TSGA10: variants seen among roughly 807,000 people sequenced by gnomAD.
The protein encoded by TSGA10 is testis specific 10.
A neutral mutation model predicts 96.6 loss-of-function variants in TSGA10; 43 were observed. The observed-to-expected ratio is 0.44, with a 90% confidence interval of 0.35 to 0.57. The LOEUF is 0.57. TSGA10 is among the 20% of genes least tolerant of loss of function. TSGA10 has a pLI of 0.01. For synonymous variants in TSGA10, 229 were observed against 269.9 expected (o/e 0.85, Z 1.48); for missense variants, 703 against 834.4 (o/e 0.84, Z 1.94).
At chr2:99,004,007 G>T (rs1041860229) in intron 20 of TSGA10, among the ~76,000 whole-genome samples, 3 of 152,106 alleles carry the variant, frequency 2.0e-5, no homozygotes, top group Non-Finnish European at 4.4e-5. Flanking sequence ...ATGAATCCAG[G>T]AGCTGGTTTT....
chr2:99,080,879 TC>T (rs1049119650), intron 11 of TSGA10, among the ~76,000 whole-genome samples: 4 of 152,082 alleles, frequency 2.6e-5, no homozygotes, highest in African/African-American at 9.7e-5. Flanking sequence ...ACTAACACTA[TC>T]CCCTTGGTGA....
At chr2:99,068,177 C>G (rs542913630) in intron 15 of TSGA10, among the ~76,000 whole-genome samples, 3 of 152,222 alleles carry the variant, frequency 2.0e-5, no homozygotes, top group Non-Finnish European at 2.9e-5. Context: ...CTTAACAGTA[C>G]TATGCATACC....
chr2:99,038,561 G>A (rs955398254), intron 16 of TSGA10, among the ~76,000 whole-genome samples: 5 of 152,018 alleles, frequency 3.3e-5, no homozygotes, highest in South Asian at 2.1e-4. Flanking sequence ...AAGACAAAGA[G>A]GGACATTATA....
At chr2:99,013,385 T>C (rs2079173804) in intron 20 of TSGA10, among the ~76,000 whole-genome samples, 1 of 152,144 alleles carries the variant, frequency 6.6e-6, no homozygotes, top group African/African-American at 2.4e-5. Flanking sequence ...CAGGCTGGAA[T>C]GCTGTGGCGC....
At chr2:99,045,632 A>C (rs371926034) in intron 16 of TSGA10, among the ~76,000 whole-genome samples, 13 of 152,302 alleles carry the variant, frequency 8.5e-5, no homozygotes, top group South Asian at 2.1e-4. Flanking sequence ...CAAAAACATG[A>C]CAAATTGTAA....
chr2:99,095,835 T>C (rs1400271186), intron 10 of TSGA10, among the ~76,000 whole-genome samples: 2 of 152,154 alleles, frequency 1.3e-5, no homozygotes, highest in South Asian at 4.1e-4. Flanking sequence ...GAGACGGAGT[T>C]TCACCATTTT....
At position 99,027,114 on chromosome 2, in the gene TSGA10, G is replaced by A. The variant is rs141970833; in HGVS notation, c.1615-6632C>T. ...AGGCAGTAATGCTCACTCACCCACC[G>A]CTCACCTCCTGCTGTGCGGCTAGGA... On this transcript the variant is annotated intron_variant, in intron 17 of 20. Coordinates refer to ENST00000393483, the MANE Select transcript of TSGA10 (RefSeq NM_025244.4). Among the ~76,000 whole-genome samples the A allele has an allele frequency of 4.8e-3, 728 of 152,308 alleles. 9 individuals are homozygous for A. Among genetic ancestry groups the A allele is most frequent in the African/African-American group, 0.017 (691 of 41,568 alleles).
At chr2:99,013,613 G>A (rs2079209881) in intron 20 of TSGA10, among the ~76,000 whole-genome samples, 2 of 151,792 alleles carry the variant, frequency 1.3e-5, no homozygotes, top group African/African-American at 2.4e-5. Flanking sequence ...TTACAGGCGT[G>A]AGCCACCGCA....
intron 1 of TSGA10, among the ~76,000 whole-genome samples, chr2:99,143,419 A>G (rs1436834207): frequency 6.6e-6 from 1 of 150,696 alleles, no homozygotes; most frequent in East Asian, 1.9e-4. Context: ...TCAGCCTCCC[A>G]AAGTGCTGGG....
At chr2:99,138,540 C>CA (rs1312023440) in intron 1 of TSGA10, among the ~76,000 whole-genome samples, 1 of 151,916 alleles carries the variant, frequency 6.6e-6, no homozygotes, top group Non-Finnish European at 1.5e-5. Flanking sequence ...TGGGTGAAAA[C>CA]AAGTCTGAAG....
chr2:99,067,378 A>G (rs924177731), intron 15 of TSGA10, among the ~76,000 whole-genome samples: 7 of 152,212 alleles, frequency 4.6e-5, no homozygotes, highest in Non-Finnish European at 1.0e-4. Context: ...AATCCCCAGC[A>G]CTTCGGAAGG....
At chr2:98,999,873 C>A (rs948263278) in intron 20 of TSGA10, among the ~76,000 whole-genome samples, 1 of 152,160 alleles carries the variant, frequency 6.6e-6, no homozygotes, top group Non-Finnish European at 1.5e-5. Flanking sequence ...CTCAGCCTAC[C>A]AAGTAGCTAG....
chr2:99,109,504 G>T lies in TSGA10; in HGVS notation c.-65C>A. The T allele has an allele frequency of 6.3e-7, 1 of 1,592,110 alleles. No homozygotes were observed. The highest frequency in any genetic ancestry group is 1.1e-5 in the South Asian group (1 of 87,100). On this transcript the variant is annotated 5_prime_UTR_variant, in exon 6 of 21. Coordinates refer to ENST00000393483, the MANE Select transcript of TSGA10 (RefSeq NM_025244.4). Reference sequence around the variant, plus strand: ...GTCTGCTTCCAAAGTCTTGACAAAGGAATCAAGTCTAGAAGGAGATTTATT... The same window carrying T: ...GTCTGCTTCCAAAGTCTTGACAAAGTAATCAAGTCTAGAAGGAGATTTATT...
intron 1 of TSGA10, among the ~76,000 whole-genome samples, chr2:99,143,406 G>A (rs879541787): frequency 2.0e-4 from 30 of 150,812 alleles, no homozygotes; most frequent in Non-Finnish European, 3.0e-4. Flanking sequence ...TGATCCACCC[G>A]CCTCAGCCTC....
At chr2:99,133,451 C>T (rs1469407913) in intron 1 of TSGA10, among the ~76,000 whole-genome samples, 1 of 152,140 alleles carries the variant, frequency 6.6e-6, no homozygotes, top group East Asian at 1.9e-4. Flanking sequence ...AATACTCCTC[C>T]ATCCCTTTAT....
At chr2:99,095,798 G>A (rs1418607786) in intron 10 of TSGA10, among the ~76,000 whole-genome samples, 1 of 152,102 alleles carries the variant, frequency 6.6e-6, no homozygotes, top group Admixed American at 6.6e-5. Flanking sequence ...ACGCCACCAC[G>A]CCCAGCTAAT....
At chr2:99,023,132 T>C (rs1316971347) in intron 17 of TSGA10, among the ~76,000 whole-genome samples, 10 of 152,144 alleles carry the variant, frequency 6.6e-5, no homozygotes, top group African/African-American at 2.2e-4. Flanking sequence ...CTCAAGTCTC[T>C]GGGAATACAA....
intron 4 of TSGA10, among the ~76,000 whole-genome samples, chr2:99,112,293 C>CA (rs1162391327): frequency 1.3e-5 from 2 of 152,008 alleles, no homozygotes; most frequent in Non-Finnish European, 2.9e-5. Flanking sequence ...AGATAATAGT[C>CA]AAAATATGTT....
intron 20 of TSGA10, among the ~76,000 whole-genome samples, 183 bp downstream of exon 20, chr2:99,018,017 G>A (rs1455649859): frequency 2.0e-5 from 3 of 151,780 alleles, no homozygotes; most frequent in African/African-American, 7.3e-5. Flanking sequence ...TTTCACTTTA[G>A]TATAATATAT....
Sources: allele counts gnomAD v4.1 joint callset (sites outside exome capture counted in the v4.1 genomes callset), GRCh38; gene constraint gnomAD v4.1.1; transcripts MANE v1.5; gene names NCBI Gene and HGNC (gene_info 2026-07-23, HGNC 2026-07-21).